Variants in FBXW8 observed in about 807,000 individuals in gnomAD.
FBXW8 encodes the protein F-box and WD repeat domain containing 8.
A neutral mutation model predicts 65.3 loss-of-function variants in FBXW8; 57 were observed. The observed-to-expected ratio is 0.87, with a 90% CI of 0.71 to 1.09. The LOEUF is 1.09. Among genes scored for constraint, FBXW8 ranks in the 50% least tolerant of loss-of-function variants. The pLI is 0.00. For synonymous variants in FBXW8, 308 were observed against 330.2 expected (o/e 0.93, Z 0.73); for missense variants, 777 against 814.8 (o/e 0.95, Z 0.57).
chr12:116,929,882 T>C (rs1213080424), intron 2 of FBXW8, among the ~76,000 whole-genome samples: 2 of 152,202 alleles, frequency 1.3e-5, no homozygotes, highest in Admixed American at 6.5e-5. Flanking sequence ...TACTCTCTAC[T>C]TCTATGAGCT....
intron 1 of FBXW8, among the ~76,000 whole-genome samples, chr12:116,915,457 G>C (rs1475389833): frequency 1.3e-5 from 2 of 152,066 alleles, no homozygotes; most frequent in Non-Finnish European, 2.9e-5. Context: ...GAATTTTCAA[G>C]TGTACACATC....
chr12:117,016,492 A>G (rs1440811484), intron 8 of FBXW8, among the ~76,000 whole-genome samples: 2 of 151,928 alleles, frequency 1.3e-5, no homozygotes, highest in African/African-American at 4.8e-5. Context: ...TTATTAGAGT[A>G]TTTTTTTAAT....
At chr12:116,974,804 G>T (rs1268782691) in intron 5 of FBXW8, among the ~76,000 whole-genome samples, 1 of 152,140 alleles carries the variant, frequency 6.6e-6, no homozygotes, top group African/African-American at 2.4e-5. Flanking sequence ...CCAGATTTTG[G>T]TTTCTAAATG....
chr12:116,945,205 T>C (rs1882848496), intron 2 of FBXW8, among the ~76,000 whole-genome samples, 159 bp from the exon 3 acceptor site: 1 of 152,202 alleles, frequency 6.6e-6, no homozygotes, highest in Admixed American at 6.5e-5. Flanking sequence ...CTGGAAACAT[T>C]TGCTTGTATT....
rs113755822 is a variant in FBXW8 at position 116,970,320 on chromosome 12, G to A, written c.835+5466G>A. ...TATTAGCATGAGGAAGCCTGGACGG[G>A]ACAGCCAGCAGTCCTCTTTATATGG... On this transcript the variant is annotated intron_variant, in intron 5 of 10. Coordinates refer to ENST00000652555, the MANE Select transcript of FBXW8 (RefSeq NM_153348.3). Among the ~76,000 whole-genome samples, 484 of 152,318 alleles carry A rather than the reference G, an allele frequency of 3.2e-3. 4 individuals carry two copies. Among genetic ancestry groups the A allele is most frequent in the African/African-American group, 0.011 (460 of 41,570 alleles).
chr12:116,943,244 T>A (rs1882724754), intron 2 of FBXW8, among the ~76,000 whole-genome samples: 1 of 152,220 alleles, frequency 6.6e-6, no homozygotes, highest in African/African-American at 2.4e-5. Flanking sequence ...TTCCCCTGTG[T>A]ATGGGCCCTG....
intron 2 of FBXW8, among the ~76,000 whole-genome samples, chr12:116,939,863 C>T (rs1337267539): frequency 6.6e-6 from 1 of 152,230 alleles, no homozygotes; most frequent in Non-Finnish European, 1.5e-5. Flanking sequence ...CTATCCCTAT[C>T]TGTGCTTCAT....
At chr12:117,008,906 G>A (rs1953739770) in intron 7 of FBXW8, among the ~76,000 whole-genome samples, 1 of 152,118 alleles carries the variant, frequency 6.6e-6, no homozygotes, top group African/African-American at 2.4e-5. Context: ...ATCGAGACCA[G>A]CCTGGCCAAA....
Position 117,022,823 on chromosome 12 carries a change from A to G in FBXW8, c.1368-1324A>G, listed in dbSNP as rs778945429. Among the ~76,000 whole-genome samples, 8 of 152,094 alleles carry G rather than the reference A, an allele frequency of 5.3e-5. No individual in the cohort carries two copies. The South Asian group carries it at 6.2e-4, about 12-fold the overall frequency. On this transcript the variant is annotated intron_variant, in intron 8 of 10. Coordinates refer to ENST00000652555, the MANE Select transcript of FBXW8 (RefSeq NM_153348.3). ...TGCCTTTTCTAGCATTAAAATTGCA[A>G]CATCTTTTCATCCTCCTTTACAGAT... is the stretch of plus-strand genomic sequence containing the variant.
intron 2 of FBXW8, among the ~76,000 whole-genome samples, chr12:116,939,552 A>C (rs772499573): frequency 6.6e-6 from 1 of 152,210 alleles, no homozygotes. Context: ...GTAATTAAAG[A>C]ATGGCTACAT....
At chr12:116,974,328 C>T (rs1884799243) in intron 5 of FBXW8, among the ~76,000 whole-genome samples, 1 of 152,210 alleles carries the variant, frequency 6.6e-6, no homozygotes, top group Non-Finnish European at 1.5e-5. Context: ...ACAACAATTC[C>T]TGGAGCTCAC....
intron 4 of FBXW8, among the ~76,000 whole-genome samples, chr12:116,954,593 A>C (rs1182876629): frequency 1.3e-5 from 2 of 152,202 alleles, no homozygotes; most frequent in African/African-American, 2.4e-5. Flanking sequence ...TTGAAATTCT[A>C]TATAAGTATA....
Position 117,028,495 on chromosome 12 carries a change from G to C in FBXW8, c.*323G>C, listed in dbSNP as rs1252585270. On this transcript the variant is annotated 3_prime_UTR_variant, in exon 11 of 11. Coordinates refer to ENST00000652555, the MANE Select transcript of FBXW8 (RefSeq NM_153348.3). The surrounding 1 kb of genome is among the most constrained non-coding windows in gnomAD (Gnocchi z 4.1). ...GTCCTATACGGTCCCTGCTTAGCCA[G>C]CTTCTGTGTGTCCGCCCTCCCAGCT... 7.7e-6 allele frequency: 2 copies of C among 261,280 alleles called. No individual in the cohort carries two copies. Among genetic ancestry groups the C allele is most frequent in the Non-Finnish European group, 1.5e-5 (2 of 133,958 alleles). The allele number at this position is 261,280 out of a possible 1,614,324, so 16.2% of individuals were successfully genotyped here. A position where few individuals can be genotyped will look rare whatever the true frequency, so the allele number is the denominator to read the frequency against.
intron 7 of FBXW8, 137 bp downstream of exon 7, chr12:116,989,006 G>A: frequency 1.3e-6 from 1 of 770,062 alleles, no homozygotes; most frequent in Non-Finnish European, 2.1e-6. Flanking sequence ...AAAAATTCAA[G>A]AACTTCAAAA....
Position 116,964,610 on chromosome 12 carries a change from C to CACA in FBXW8, c.678-87_678-86insACA, listed in dbSNP as rs1195860741. On this transcript the variant is annotated intron_variant, in intron 4 of 10. Transcript: ENST00000652555. ...TCTACACCACCCGATTCTTACTTGT[C>CACA]TGTTGTTGTAAGGCTCTGTGCATTT... is the stretch of plus-strand genomic sequence containing the variant. The CACA allele has an allele frequency of 7.3e-6, 11 of 1,509,070 alleles. No individual in the cohort carries two copies. In the Middle Eastern group the frequency reaches 6.9e-4, roughly 95 times the overall value. 93.5% of individuals were successfully genotyped at this position (1,509,070 alleles called of 1,614,324 possible).
intron 8 of FBXW8, among the ~76,000 whole-genome samples, chr12:117,021,756 C>T (rs1330815632): frequency 6.6e-6 from 1 of 152,002 alleles, no homozygotes; most frequent in Non-Finnish European, 1.5e-5. Context: ...TTTTTTTTAA[C>T]CTTTCATTTT....
At chr12:117,001,461 T>C (rs972494032) in intron 7 of FBXW8, among the ~76,000 whole-genome samples, 2 of 152,236 alleles carry the variant, frequency 1.3e-5, no homozygotes, top group Non-Finnish European at 2.9e-5. Context: ...CTGAATTTCA[T>C]GTGCAATGTT....
intron 7 of FBXW8, among the ~76,000 whole-genome samples, chr12:117,007,310 A>AAGAT (rs1953700418): frequency 6.6e-6 from 1 of 152,188 alleles, no homozygotes; most frequent in Non-Finnish European, 1.5e-5. Context: ...GTTCTTTTTA[A>AAGAT]AGATAGTGCT....
intron 1 of FBXW8, 48 bp downstream of exon 1, chr12:116,911,403 C>A (rs1593025172): frequency 2.9e-5 from 35 of 1,203,702 alleles, no homozygotes; most frequent in Non-Finnish European, 3.4e-5. Flanking sequence ...CCGGCCCCCG[C>A]CCCCAGGACA....
Sources: gnomAD v4.1 joint callset for allele counts (sites outside exome capture counted in the v4.1 genomes callset) on GRCh38, gnomAD v4.1.1 for gene constraint, Gnocchi (gnomAD v3.1) non-coding constraint, MANE v1.5 for transcripts, NCBI Gene and HGNC (gene_info 2026-07-23, HGNC 2026-07-21) for gene names.